The following KIAA0319 variants were observed in gnomAD, a reference collection of about 807,000 sequenced individuals.
KIAA0319 encodes KIAA0319.
A neutral mutation model predicts 108.4 loss-of-function variants in KIAA0319; 83 were observed. That is an observed-to-expected ratio of 0.77 (90% CI 0.64 to 0.92). KIAA0319 has a LOEUF of 0.92. Ranked by LOEUF, KIAA0319 falls within the 40% of genes least tolerant of loss-of-function variation. The pLI is 0.00. For synonymous variants in KIAA0319, 484 were observed against 510.4 expected (o/e 0.95, Z 0.70); for missense variants, 1,195 against 1,322.4 (o/e 0.90, Z 1.49).
chr6:24,593,770 G>A (rs1768928775), intron 3 of KIAA0319, among the ~76,000 whole-genome samples: 1 of 152,052 alleles, frequency 6.6e-6, no homozygotes, highest in Non-Finnish European at 1.5e-5. Context: ...AATAGAGCTT[G>A]ATTTCAGAGA....
At chr6:24,590,394 T>C (rs1196063404) in intron 3 of KIAA0319, among the ~76,000 whole-genome samples, 1 of 152,026 alleles carries the variant, frequency 6.6e-6, no homozygotes, top group Non-Finnish European at 1.5e-5. Context: ...AGGTAGTGGG[T>C]TTACTATATA....
At chr6:24,630,508 CAAAAAAAA>C (rs66787757) in intron 1 of KIAA0319, among the ~76,000 whole-genome samples, 6 of 104,450 alleles carry the variant, frequency 5.7e-5, no homozygotes, top group Admixed American at 3.1e-4. Context: ...GATTCTGTCT[CAAAAAAAA>C]AAAAAAAAAA....
downstream of KIAA0319, among the ~76,000 whole-genome samples, chr6:24,541,201 G>A (rs1760182052): frequency 6.6e-6 from 1 of 152,090 alleles, no homozygotes; most frequent in Admixed American, 6.6e-5. Flanking sequence ...TCAGAAGACC[G>A]AGATCAAGGT....
In KIAA0319 at chr6:24,552,292, A is replaced by G. The variant is rs1285395725; in HGVS notation, c.2949-767T>C. ...TGGGAGTAAGAATAGTCCCTTTCTC[A>G]CATGGTTGATGAGAGGACTGAATAA... On this transcript the variant is annotated intron_variant, in intron 19 of 20. Transcript: ENST00000378214. 2.6e-5 allele frequency among the ~76,000 whole-genome samples: 4 copies of G among 152,346 alleles called. No homozygotes were observed. In the East Asian group the frequency reaches 7.7e-4, roughly 29 times the overall value.
rs1763579208 is a variant in KIAA0319 at position 24,564,343 on chromosome 6, G to A, written c.2293-3C>T. ...TGGTCAGAGCCATCGATGACATCCT[G>A]CGAAAGAACACGGATCACAGGGCAG... On this transcript the variant is annotated splice_region_variant and splice_polypyrimidine_tract_variant and intron_variant, in intron 14 of 20. Coordinates refer to ENST00000378214, the MANE Select transcript of KIAA0319 (RefSeq NM_014809.4). 1 of 1,614,148 alleles carries A rather than the reference G, an allele frequency of 6.2e-7. No homozygotes were observed. The highest frequency in any genetic ancestry group is 8.5e-7 in the Non-Finnish European group (1 of 1,180,004).
chr6:24,640,103 T>C (rs1168352411), intron 1 of KIAA0319, among the ~76,000 whole-genome samples: 1 of 152,118 alleles, frequency 6.6e-6, no homozygotes, highest in Non-Finnish European at 1.5e-5. Context: ...ATAATAGTTG[T>C]ATATATTTTG....
chr6:24,569,373 A>C (rs1318094150), intron 12 of KIAA0319, among the ~76,000 whole-genome samples: 1 of 152,082 alleles, frequency 6.6e-6, no homozygotes, highest in African/African-American at 2.4e-5. Flanking sequence ...AAAATACCTC[A>C]GTTTGGGTCC....
intron 3 of KIAA0319, among the ~76,000 whole-genome samples, chr6:24,592,699 G>C (rs1237508394): frequency 6.6e-6 from 1 of 152,222 alleles, no homozygotes; most frequent in Non-Finnish European, 1.5e-5. Flanking sequence ...GGTGGGGCAA[G>C]GTGGCTCACA....
intron 9 of KIAA0319, 97 bp from the exon 10 acceptor site, chr6:24,576,693 G>A (rs2127473066): frequency 1.0e-6 from 1 of 971,434 alleles, no homozygotes; most frequent in East Asian, 2.4e-5. Flanking sequence ...GCTGAGGTGG[G>A]AGGATCGCTT....
chr6:24,559,920 C>T (rs756536772), intron 16 of KIAA0319, among the ~76,000 whole-genome samples: 2 of 152,196 alleles, frequency 1.3e-5, no homozygotes. Context: ...ATGGATTTGC[C>T]TCTTCTGGAC....
intron 1 of KIAA0319, among the ~76,000 whole-genome samples, chr6:24,628,144 T>C (rs1774971476): frequency 6.6e-6 from 1 of 152,240 alleles, no homozygotes; most frequent in Non-Finnish European, 1.5e-5. Flanking sequence ...TTTAGCTTCC[T>C]AAATCACCAT....
chr6:24,553,922 T>C (rs1468300772), intron 19 of KIAA0319, among the ~76,000 whole-genome samples: 1 of 152,232 alleles, frequency 6.6e-6, no homozygotes. Context: ...GTAATATCCT[T>C]TGTAATAAAT....
At chr6:24,570,313 G>T (rs772719970) in intron 11 of KIAA0319, among the ~76,000 whole-genome samples, 1 of 152,144 alleles carries the variant, frequency 6.6e-6, no homozygotes, top group Non-Finnish European at 1.5e-5. Flanking sequence ...CAGTCGGCCG[G>T]GCACAGTGGC....
rs568242623 is a variant in KIAA0319, at chr6:24,544,393, G to A, written c.*2772C>T. The A allele has an allele frequency of 2.5e-4, 38 of 152,246 alleles. No homozygotes were observed. The highest frequency in any genetic ancestry group is 9.1e-4 in the African/African-American group (38 of 41,546). The allele number at this position is 152,246 out of a possible 1,614,324, so 9.4% of individuals were successfully genotyped here. A position where few individuals can be genotyped will look rare whatever the true frequency, so the allele number is the denominator to read the frequency against. ...GCATATATTTAATAGTGTGATATTAGAAATACCTTGTCAACACATAGGGAA... is the reference window on the plus strand; with the variant it reads ...GCATATATTTAATAGTGTGATATTAAAAATACCTTGTCAACACATAGGGAA... On this transcript the variant is annotated 3_prime_UTR_variant, in exon 21 of 21. Coordinates refer to ENST00000378214, the MANE Select transcript of KIAA0319 (RefSeq NM_014809.4).
At chr6:24,642,547 G>GTATGGGTGT (rs1777107589) in intron 1 of KIAA0319, among the ~76,000 whole-genome samples, 1 of 152,168 alleles carries the variant, frequency 6.6e-6, no homozygotes, top group Admixed American at 6.5e-5. Flanking sequence ...TGCTTAAAAT[G>GTATGGGTGT]TATGGGTGTT....
intron 1 of KIAA0319, among the ~76,000 whole-genome samples, chr6:24,632,065 T>C (rs1195539655): frequency 1.3e-5 from 2 of 152,250 alleles, no homozygotes. Flanking sequence ...AGTTTTCCTT[T>C]AGAATTTAAC....
At chr6:24,628,473 C>T (rs1006216913) in intron 1 of KIAA0319, among the ~76,000 whole-genome samples, 3 of 152,068 alleles carry the variant, frequency 2.0e-5, no homozygotes, top group Non-Finnish European at 4.4e-5. Context: ...TCCAGAACAC[C>T]TGTCCATTTC....
chr6:24,588,457 G>A (rs1767904802), intron 4 of KIAA0319, 136 bp downstream of exon 4: 1 of 724,992 alleles, frequency 1.4e-6, no homozygotes, highest in East Asian at 2.5e-5. Flanking sequence ...TTCCCAGTAT[G>A]CAGCACCGTT....
At chr6:24,565,531 G>C (rs757947123) in intron 14 of KIAA0319, among the ~76,000 whole-genome samples, 1 of 152,098 alleles carries the variant, frequency 6.6e-6, no homozygotes, top group African/African-American at 2.4e-5. Flanking sequence ...GAAGCGGGTG[G>C]ATCACAAGGT....
Sources: allele counts gnomAD v4.1 joint callset (sites outside exome capture counted in the v4.1 genomes callset), GRCh38; gene constraint gnomAD v4.1.1; transcripts MANE v1.5; gene names NCBI Gene and HGNC (gene_info 2026-07-23, HGNC 2026-07-21).